The following CSMD1 variants were observed in gnomAD, a reference collection of about 807,000 sequenced individuals.
CSMD1 encodes the protein CUB and sushi domain-containing protein 1.
Under a neutral mutation model 417.5 loss-of-function variants are expected in CSMD1, and 213 were observed. That is an observed-to-expected ratio of 0.51 (90% CI 0.46 to 0.57). The LOEUF (loss-of-function observed/expected upper bound fraction) is 0.57. Among genes scored for constraint, CSMD1 ranks in the 20% least tolerant of loss-of-function variants. The pLI is 0.00. For synonymous variants in CSMD1, 2,862 were observed against 1,736.8 expected (o/e 1.65, Z -16.11); for missense variants, 6,923 against 4,529.7 (o/e 1.53, Z -15.17).
intron 1 of CSMD1, among the ~76,000 whole-genome samples, chr8:4,920,612 A>C (rs1806373814): frequency 6.6e-6 from 1 of 152,066 alleles, no homozygotes; most frequent in Non-Finnish European, 1.5e-5. Context: ...ACCTGAAGTC[A>C]GGAGTTTGAG....
intron 12 of CSMD1, among the ~76,000 whole-genome samples, chr8:3,413,373 A>T (rs1812935678): frequency 1.3e-5 from 2 of 152,066 alleles, no homozygotes; most frequent in Admixed American, 1.3e-4. Context: ...ATCAAGAGAG[A>T]CCTGTGGTTA....
At chr8:3,636,279 T>C (rs1246003275) in intron 7 of CSMD1, among the ~76,000 whole-genome samples, 1 of 152,160 alleles carries the variant, frequency 6.6e-6, no homozygotes, top group Non-Finnish European at 1.5e-5. Context: ...GAATCCCTCC[T>C]GAAGGCCCTG....
At chr8:4,903,695 A>G (rs1805050328) in intron 1 of CSMD1, among the ~76,000 whole-genome samples, 1 of 152,202 alleles carries the variant, frequency 6.6e-6, no homozygotes, top group Admixed American at 6.5e-5. Flanking sequence ...AGGTTGTAAT[A>G]AGGTCCCACA....
At chr8:3,921,303 C>G (rs1274076567) in intron 5 of CSMD1, among the ~76,000 whole-genome samples, 1 of 152,034 alleles carries the variant, frequency 6.6e-6, no homozygotes, top group Admixed American at 6.6e-5. Flanking sequence ...CTCTTTTCTA[C>G]TTAGCATAAG....
chr8:4,141,919 A>G (rs1006302055), intron 3 of CSMD1, among the ~76,000 whole-genome samples: 7 of 151,118 alleles, frequency 4.6e-5, no homozygotes, highest in Admixed American at 1.3e-4. Flanking sequence ...TTAGAGTGTG[A>G]TATTTGCTAT....
chr8:3,906,581 G>C (rs368379574), intron 5 of CSMD1, among the ~76,000 whole-genome samples: 1 of 150,560 alleles, frequency 6.6e-6, no homozygotes, highest in African/African-American at 2.4e-5. Flanking sequence ...TGAGGTGTGG[G>C]ATATCATCAT....
rs566005023 is a variant in CSMD1 at position 4,325,663 on chromosome 8, T to A, written c.415+94290A>T. Among the ~76,000 whole-genome samples, 75 of 152,108 alleles carry A rather than the reference T, an allele frequency of 4.9e-4. 1 individual carries two copies. Among genetic ancestry groups the A allele is most frequent in the Non-Finnish European group, 1.5e-4 (10 of 68,020 alleles). On this transcript the variant is annotated intron_variant, in intron 3 of 69. Transcript: ENST00000635120. Reference sequence around the variant, plus strand: ...TACCCAAATTACACAACAACCATCATGCTCATCTCTAGGGCCAGAAAGCGA... The same window carrying A: ...TACCCAAATTACACAACAACCATCAAGCTCATCTCTAGGGCCAGAAAGCGA...
intron 3 of CSMD1, among the ~76,000 whole-genome samples, chr8:4,261,993 G>C (rs559399018): frequency 6.6e-6 from 1 of 152,280 alleles, no homozygotes; most frequent in Admixed American, 6.5e-5. Context: ...TCCTGGGAAT[G>C]AGTGAAATTC....
rs557155976 is a variant in CSMD1 at position 4,717,293 on chromosome 8, T to TTC, written c.86-79737_86-79736dup. On this transcript the variant is annotated intron_variant, in intron 1 of 69. Transcript: ENST00000635120. ...CAAAGAAGCATCTCTGACCCTGCCC[T>TTC]TCTCTCTCTCTCTCTCCATATATAT... Among the ~76,000 whole-genome samples, 83 of 129,960 alleles carry TTC rather than the reference T, an allele frequency of 6.4e-4. 1 individual carries two copies. The South Asian group carries it at 0.018, about 28-fold the overall frequency. The allele number at this position is 129,960 out of a possible 152,430, so 85.3% of individuals were successfully genotyped here.
intron 29 of CSMD1, among the ~76,000 whole-genome samples, chr8:3,216,117 T>C (rs1464615645): frequency 2.6e-5 from 4 of 151,182 alleles, no homozygotes; most frequent in African/African-American, 9.7e-5. Flanking sequence ...ATATATTTTA[T>C]ATACATTTCT....
chr8:2,984,003 G>T (rs1331106463), intron 54 of CSMD1, among the ~76,000 whole-genome samples: 2 of 152,080 alleles, frequency 1.3e-5, no homozygotes, highest in Non-Finnish European at 2.9e-5. Context: ...AGTATGAACT[G>T]GTAACTCCTG....
At position 3,286,579 on chromosome 8, in the gene CSMD1, G is replaced by A. The variant is rs187855248; in HGVS notation, c.3951-2233C>T. On this transcript the variant is annotated intron_variant, in intron 25 of 69. Transcript: ENST00000635120. ...GATTTGCATTTCTCTGATGGCCGGT[G>A]ATAATGAGCATTTTTTCATATGTTT... Among the ~76,000 whole-genome samples the A allele has an allele frequency of 5.3e-3, 803 of 152,174 alleles. 10 individuals carry two copies. Among genetic ancestry groups the A allele is most frequent in the Non-Finnish European group, 8.7e-3 (594 of 67,982 alleles).
At chr8:4,058,687 G>C (rs1359497362) in intron 3 of CSMD1, among the ~76,000 whole-genome samples, 2 of 140,870 alleles carry the variant, frequency 1.4e-5, no homozygotes, top group African/African-American at 5.2e-5. Context: ...GATCAAAAGA[G>C]ACAAAGAAGG....
intron 3 of CSMD1, among the ~76,000 whole-genome samples, chr8:4,121,971 T>C (rs1445051419): frequency 6.6e-6 from 1 of 152,124 alleles, no homozygotes; most frequent in East Asian, 1.9e-4. Context: ...TTAATAATGC[T>C]TATGTATAGA....
rs111381228 is a variant in CSMD1 at position 4,302,082 on chromosome 8, C to T, written c.415+117871G>A. 1.1e-3 allele frequency among the ~76,000 whole-genome samples: 165 copies of T among 152,244 alleles called. 1 individual carries two copies. Among genetic ancestry groups the T allele is most frequent in the African/African-American group, 3.9e-3 (164 of 41,542 alleles). ...GAATTTTCCACAAACTTTATGAAGACCCCTTGTATAGTTCATCATGTTCAT... is the reference window on the plus strand; with the variant it reads ...GAATTTTCCACAAACTTTATGAAGATCCCTTGTATAGTTCATCATGTTCAT... On this transcript the variant is annotated intron_variant, in intron 3 of 69. Coordinates refer to ENST00000635120, the MANE Select transcript of CSMD1 (RefSeq NM_033225.6).
intron 2 of CSMD1, among the ~76,000 whole-genome samples, 152 bp from the exon 3 acceptor site, chr8:4,420,217 T>TA (rs1395024473): frequency 6.6e-6 from 1 of 152,192 alleles, no homozygotes; most frequent in African/African-American, 2.4e-5. Context: ...ATAGCTTTGG[T>TA]TGTTAAGTAT....
chr8:3,647,848 G>T (rs912351563), intron 7 of CSMD1, among the ~76,000 whole-genome samples: 1 of 152,200 alleles, frequency 6.6e-6, no homozygotes. Context: ...AAGGCACTTT[G>T]TACCTTTTCT....
chr8:3,163,388 T>C (rs1326550176), intron 37 of CSMD1, among the ~76,000 whole-genome samples: 1 of 147,268 alleles, frequency 6.8e-6, no homozygotes, highest in Non-Finnish European at 1.5e-5. Context: ...GTGGAGGAGG[T>C]GAGTAGGACT....
chr8:4,430,403 T>G (rs1030159573), intron 2 of CSMD1, among the ~76,000 whole-genome samples: 1 of 152,202 alleles, frequency 6.6e-6, no homozygotes, highest in African/African-American at 2.4e-5. Context: ...GTTTACCTCA[T>G]GGTTATGACA....
Sources: allele counts gnomAD v4.1 joint callset (sites outside exome capture counted in the v4.1 genomes callset), GRCh38; gene constraint gnomAD v4.1.1; transcripts MANE v1.5; gene names NCBI Gene and HGNC (gene_info 2026-07-23, HGNC 2026-07-21).